The following LURAP1L variants were observed in gnomAD, a reference collection of about 807,000 sequenced individuals.
LURAP1L encodes leucine rich adaptor protein 1 like.
Under a neutral mutation model 13.8 loss-of-function variants are expected in LURAP1L, and 12 were observed. The ratio of observed to expected loss-of-function variants is 0.87; its 90% CI spans 0.56 to 1.41. The LOEUF (loss-of-function observed/expected upper bound fraction) is 1.41. Among genes scored for constraint, LURAP1L ranks in the 40% most tolerant of loss-of-function variants. The pLI, the probability that LURAP1L is intolerant of heterozygous loss-of-function variation, is 0.00. For synonymous variants in LURAP1L, 139 were observed against 119.2 expected (o/e 1.17, Z -1.08); for missense variants, 375 against 292.9 (o/e 1.28, Z -2.04).
intron 1 of LURAP1L, among the ~76,000 whole-genome samples, chr9:12,801,026 C>A (rs1381884534): frequency 6.6e-6 from 1 of 152,054 alleles, no homozygotes; most frequent in Non-Finnish European, 1.5e-5. Context: ...TTAATTTTGA[C>A]TAGGCATAAT....
chr9:12,794,063 AG>A (rs1211513810), intron 1 of LURAP1L, among the ~76,000 whole-genome samples: 1 of 152,062 alleles, frequency 6.6e-6, no homozygotes, highest in East Asian at 1.9e-4. Flanking sequence ...GCCTCCTAGG[AG>A]TAATATCAGA....
intron 1 of LURAP1L, among the ~76,000 whole-genome samples, chr9:12,808,954 T>TA (rs1410686407): frequency 6.6e-6 from 1 of 152,164 alleles, no homozygotes; most frequent in Non-Finnish European, 1.5e-5. Context: ...CTGCAGGCTG[T>TA]ACAGGAAGCA....
At chr9:12,784,157 G>A (rs112689967) in intron 1 of LURAP1L, among the ~76,000 whole-genome samples, 191 of 152,208 alleles carry the variant, frequency 1.3e-3, no homozygotes, top group African/African-American at 4.2e-3. Context: ...ATCTGTCTGA[G>A]AGGTCACATA....
At chr9:12,779,949 G>C (rs1248390193) in intron 1 of LURAP1L, among the ~76,000 whole-genome samples, 2 of 152,028 alleles carry the variant, frequency 1.3e-5, no homozygotes, top group Admixed American at 1.3e-4. Context: ...CTTTCCTTTT[G>C]GCCACTATCA....
intron 1 of LURAP1L, among the ~76,000 whole-genome samples, chr9:12,809,045 T>A (rs1041009485): frequency 1.3e-5 from 2 of 152,122 alleles, no homozygotes; most frequent in Non-Finnish European, 2.9e-5. Context: ...GCATATCACA[T>A]GCTGAGAGAG....
Position 12,795,700 on chromosome 9 carries a change from G to A in LURAP1L, c.312+19673G>A, listed in dbSNP as rs187182591. 1.2e-4 allele frequency among the ~76,000 whole-genome samples: 18 copies of A among 152,176 alleles called. 1 individual carries two copies. In the East Asian group the frequency reaches 3.3e-3, roughly 28 times the overall value. ...CAACACGACCACTTGTAGTTGTTATGTTAGGGAAGTGATACAATGAAAGTC... is the reference window on the plus strand; with the variant it reads ...CAACACGACCACTTGTAGTTGTTATATTAGGGAAGTGATACAATGAAAGTC... On this transcript the variant is annotated intron_variant, in intron 1 of 1. Transcript: ENST00000319264.
chr9:12,784,884 T>C (rs11999060), intron 1 of LURAP1L, among the ~76,000 whole-genome samples: 74,344 of 151,476 alleles, frequency 0.49, 20,049 homozygotes, highest in Middle Eastern at 0.63. Flanking sequence ...TGCTTTATTT[T>C]ACTTGGTAAA....
chr9:12,778,918 A>G (rs1819228775), intron 1 of LURAP1L, among the ~76,000 whole-genome samples: 2 of 152,152 alleles, frequency 1.3e-5, no homozygotes, highest in Non-Finnish European at 2.9e-5. Context: ...GATGCTTGAA[A>G]CTGTGGATAG....
chr9:12,777,227 T>C, intron 1 of LURAP1L: 1 of 985,270 alleles, frequency 1.0e-6, no homozygotes, highest in Non-Finnish European at 1.2e-6. Context: ...GGACAACCCT[T>C]AGGTACATAA....
At chr9:12,786,547 CATA>C (rs1819354246) in intron 1 of LURAP1L, among the ~76,000 whole-genome samples, 4 of 53,030 alleles carry the variant, frequency 7.5e-5, no homozygotes, top group South Asian at 1.1e-3. Context: ...ATATATATGA[CATA>C]TATATATATA....
chr9:12,797,179 T>C (rs971317542), intron 1 of LURAP1L, among the ~76,000 whole-genome samples: 5 of 152,068 alleles, frequency 3.3e-5, no homozygotes, highest in Admixed American at 2.0e-4. Flanking sequence ...ACTCTTGCTA[T>C]TTCTGTGATC....
intron 1 of LURAP1L, among the ~76,000 whole-genome samples, chr9:12,784,880 A>G (rs1461423424): frequency 6.7e-6 from 1 of 149,430 alleles, no homozygotes; most frequent in Non-Finnish European, 1.5e-5. Context: ...TTGGTGCTTT[A>G]TTTTACTTGG....
intron 1 of LURAP1L, among the ~76,000 whole-genome samples, chr9:12,818,313 T>A (rs1819830386): frequency 6.6e-6 from 1 of 152,150 alleles, no homozygotes; most frequent in Admixed American, 6.5e-5. Context: ...GTATTCTAAG[T>A]ATGTTTTAAC....
At chr9:12,790,891 G>A (rs575005409) in intron 1 of LURAP1L, 2 of 152,002 alleles carry the variant, frequency 1.3e-5, no homozygotes, top group Admixed American at 6.6e-5. Flanking sequence ...TTGTAGCATT[G>A]TATATTACAC....
intron 1 of LURAP1L, among the ~76,000 whole-genome samples, chr9:12,803,726 T>C (rs1327432385): frequency 6.6e-6 from 1 of 152,168 alleles, no homozygotes; most frequent in Admixed American, 6.5e-5. Flanking sequence ...AAATGTAACA[T>C]CATTTAAACT....
Position 12,775,773 on chromosome 9 carries a change from G to T in LURAP1L, c.58G>T (p.Val20Leu). 1.9e-6 allele frequency: 3 copies of T among 1,609,370 alleles called. No individual in the cohort carries two copies. Among genetic ancestry groups the T allele is most frequent in the Non-Finnish European group, 2.5e-6 (3 of 1,178,636 alleles). The change falls in exon 1 of 2, where the codon GTA becomes TTA. Residue 20 changes from valine (V) to leucine (L), a missense_variant. By Grantham distance (32) the Val-to-Leu change is conservative. Coordinates refer to ENST00000319264, the MANE Select transcript of LURAP1L (RefSeq NM_203403.2). The stretch of plus-strand genomic sequence containing the variant: ...CATCGAGCTGAAGCTGGGGCGCAAA[G>T]TACCCGAGAGTCTAGTGCGCTCTCT... ...RDIELKLGRK[V>L]PESLVRSLRG...
At chr9:12,787,765 C>T (rs956735961) in intron 1 of LURAP1L, among the ~76,000 whole-genome samples, 3 of 152,048 alleles carry the variant, frequency 2.0e-5, no homozygotes, top group African/African-American at 7.3e-5. Context: ...ACCGCGTGTG[C>T]CTGAAAGTCA....
chr9:12,783,267 G>C (rs931765671), intron 1 of LURAP1L, among the ~76,000 whole-genome samples: 3 of 151,974 alleles, frequency 2.0e-5, no homozygotes, highest in African/African-American at 7.2e-5. Context: ...GATGAAGTGG[G>C]CATCCTCCTT....
chr9:12,791,127 A>G (rs1329229967), intron 1 of LURAP1L, among the ~76,000 whole-genome samples: 2 of 152,100 alleles, frequency 1.3e-5, no homozygotes, highest in Non-Finnish European at 2.9e-5. Flanking sequence ...TATAGTGAGC[A>G]TCGTATCAGC....
Sources: allele counts gnomAD v4.1 joint callset (sites outside exome capture counted in the v4.1 genomes callset), GRCh38; gene constraint gnomAD v4.1.1; transcripts MANE v1.5; gene names NCBI Gene and HGNC (gene_info 2026-07-23, HGNC 2026-07-21).